Variants in MIR2052HG observed in about 807,000 individuals in gnomAD.
MIR2052HG encodes MIR2052 host gene.
At chr8:74,683,900 T>C (rs7821943) in intron 2 of MIR2052HG, among the ~76,000 whole-genome samples, 16,415 of 152,108 alleles carry the variant, frequency 0.11, 2,063 homozygotes, top group African/African-American at 0.31. Context: ...AACTTCAGTA[T>C]GTGACAATTC....
intron 4 of MIR2052HG, among the ~76,000 whole-genome samples, chr8:74,714,457 T>C (rs1310426861): frequency 2.0e-5 from 3 of 152,212 alleles, no homozygotes; most frequent in Non-Finnish European, 4.4e-5. Context: ...GAAAGTTATA[T>C]AGATTTAGTC....
chr8:74,720,362 C>T lies in MIR2052HG; in HGVS notation n.371+16680C>T, dbSNP rs566990059. ...TTAGATCTAGCCTAGGTCTATCTCT[C>T]TTGTGACACTTTGTTGAAGTGGTAA... is the stretch of plus-strand genomic sequence containing the variant. On this transcript the variant is annotated intron_variant and non_coding_transcript_variant, in intron 4 of 6. Coordinates refer to ENST00000523442, the Ensembl canonical transcript of MIR2052HG. 5.9e-5 allele frequency among the ~76,000 whole-genome samples: 9 copies of T among 152,238 alleles called. No individual in the cohort carries two copies. The East Asian group carries it at 1.5e-3, about 26-fold the overall frequency.
At chr8:74,746,559 G>T (rs17271616) in intron 4 of MIR2052HG, among the ~76,000 whole-genome samples, 35,274 of 133,334 alleles carry the variant, frequency 0.26, 5,268 homozygotes, top group East Asian at 0.64. Flanking sequence ...AATTGTAAGA[G>T]GAGAAGAAGT....
chr8:74,719,607 C>A (rs1809553711), intron 4 of MIR2052HG, among the ~76,000 whole-genome samples: 2 of 151,984 alleles, frequency 1.3e-5, no homozygotes, highest in African/African-American at 2.4e-5. Context: ...AATCACTGAT[C>A]TTTTATTTAT....
intron 2 of MIR2052HG, among the ~76,000 whole-genome samples, chr8:74,635,004 T>G (rs968543887): frequency 6.6e-6 from 1 of 152,198 alleles, no homozygotes; most frequent in African/African-American, 2.4e-5. Context: ...TATCTAATAA[T>G]TCCATGAAGA....
At chr8:74,620,011 G>A (rs542715578) in intron 2 of MIR2052HG, among the ~76,000 whole-genome samples, 2 of 152,318 alleles carry the variant, frequency 1.3e-5, no homozygotes, top group Non-Finnish European at 2.9e-5. Flanking sequence ...GGGGATACAG[G>A]TATTGGGTAT....
intron 2 of MIR2052HG, among the ~76,000 whole-genome samples, chr8:74,616,369 A>C (rs960473191): frequency 6.7e-6 from 1 of 148,952 alleles, no homozygotes; most frequent in South Asian, 2.2e-4. Context: ...TCCAGTGATG[A>C]TGAGCATTTT....
At chr8:74,674,335 C>G (rs774740756) in intron 2 of MIR2052HG, among the ~76,000 whole-genome samples, 1 of 151,800 alleles carries the variant, frequency 6.6e-6, no homozygotes, top group Non-Finnish European at 1.5e-5. Context: ...TGGCTTCTTA[C>G]ACTAGTTTAC....
At chr8:74,710,917 A>ACT (rs150564605) in intron 4 of MIR2052HG, among the ~76,000 whole-genome samples, 1,771 of 152,064 alleles carry the variant, frequency 0.012, 40 homozygotes, top group African/African-American at 0.04. Flanking sequence ...GTGCTGGGTG[A>ACT]CTCTCTGATG....
intron 2 of MIR2052HG, among the ~76,000 whole-genome samples, chr8:74,663,959 A>T (rs1808893057): frequency 6.6e-6 from 1 of 152,046 alleles, no homozygotes; most frequent in Non-Finnish European, 1.5e-5. Context: ...TTTATTGGTG[A>T]TGAGAAAGAA....
chr8:74,681,898 T>C (rs113117048), intron 2 of MIR2052HG, among the ~76,000 whole-genome samples: 1 of 152,304 alleles, frequency 6.6e-6, no homozygotes, highest in Non-Finnish European at 1.5e-5. Flanking sequence ...AAGTACATGA[T>C]AATTTGATAT....
intron 4 of MIR2052HG, among the ~76,000 whole-genome samples, chr8:74,735,182 T>C (rs1384727799): frequency 6.6e-6 from 1 of 152,184 alleles, no homozygotes; most frequent in Non-Finnish European, 1.5e-5. Flanking sequence ...TTATAATAAA[T>C]GTGTAGCCAG....
At position 74,611,103 on chromosome 8, in the gene MIR2052HG, T is replaced by G. The variant is rs551493610; in HGVS notation, n.129-1750T>G. On this transcript the variant is annotated intron_variant and non_coding_transcript_variant, in intron 1 of 6. Transcript: ENST00000523442. ...TATATCTGATAAAGGGTTTATACTT[T>G]GAACATAAAAATCTTTCAAAACTCA... Among the ~76,000 whole-genome samples, 11 of 152,212 alleles carry G rather than the reference T, an allele frequency of 7.2e-5. No individual in the cohort carries two copies. The South Asian group carries it at 2.3e-3, about 32-fold the overall frequency.
intron 4 of MIR2052HG, among the ~76,000 whole-genome samples, chr8:74,719,334 G>C (rs563414065): frequency 8.5e-5 from 13 of 152,208 alleles, no homozygotes; most frequent in Non-Finnish European, 1.2e-4. Flanking sequence ...CAGCAAAAGG[G>C]AATAATGGAG....
At chr8:74,600,998 C>G (rs1251876397) in intron 1 of MIR2052HG, among the ~76,000 whole-genome samples, 1 of 152,110 alleles carries the variant, frequency 6.6e-6, no homozygotes, top group Non-Finnish European at 1.5e-5. Context: ...TACAAAAAGC[C>G]AGAAAGGCAT....
At chr8:74,685,529 T>C (rs775569701) in intron 2 of MIR2052HG, among the ~76,000 whole-genome samples, 14 of 152,132 alleles carry the variant, frequency 9.2e-5, no homozygotes, top group Non-Finnish European at 1.9e-4. Context: ...TCTGGAAATT[T>C]ATACACTTCT....
chr8:74,739,845 C>T (rs1370976160), intron 4 of MIR2052HG, among the ~76,000 whole-genome samples: 1 of 152,098 alleles, frequency 6.6e-6, no homozygotes, highest in African/African-American at 2.4e-5. Context: ...TCTCCTAGCT[C>T]TGGTTATATT....
intron 4 of MIR2052HG, among the ~76,000 whole-genome samples, chr8:74,713,410 C>G (rs1248613082): frequency 6.6e-6 from 1 of 152,190 alleles, no homozygotes; most frequent in African/African-American, 2.4e-5. Context: ...GAAGCCTTCA[C>G]TGACTCTTAT....
chr8:74,655,529 C>T (rs762507776), intron 2 of MIR2052HG, among the ~76,000 whole-genome samples: 8 of 152,190 alleles, frequency 5.3e-5, no homozygotes, highest in Non-Finnish European at 1.0e-4. Flanking sequence ...AGGATCCAAG[C>T]CCTAAACCTT....
Sources: gnomAD v4.1 joint callset for allele counts (sites outside exome capture counted in the v4.1 genomes callset) on GRCh38, gnomAD v4.1.1 for gene constraint, MANE v1.5 for transcripts, NCBI Gene and HGNC (gene_info 2026-07-23, HGNC 2026-07-21) for gene names.